Variants in HOXD13 observed in about 807,000 individuals in gnomAD.
The protein encoded by HOXD13 is homeobox protein Hox-D13.
In HOXD13, 16 loss-of-function variants were observed where a neutral mutation model predicts 27.3. The ratio of observed to expected loss-of-function variants is 0.59; its 90% CI spans 0.40 to 0.89. The LOEUF is 0.89. Among genes scored for constraint, HOXD13 ranks in the 40% least tolerant of loss-of-function variants. The probability of loss-of-function intolerance (pLI) is 0.00; values close to 1 mark genes in which losing one functional copy is unlikely to be tolerated. For synonymous variants in HOXD13, 241 were observed against 219.0 expected (o/e 1.10, Z -0.89); for missense variants, 481 against 482.6 (o/e 1.00, Z 0.03).
At position 176,095,172 on chromosome 2, in the gene HOXD13, C is replaced by T. The variant is rs1574944124; in HGVS notation, c.*442C>T. On this transcript the variant is annotated 3_prime_UTR_variant, in exon 2 of 2. Transcript: ENST00000392539. ...CAGAATGGTTTTCAGTCGTTCATATCCTGTAATTAGGTAATTGAATCATTA... is the reference window on the plus strand; with the variant it reads ...CAGAATGGTTTTCAGTCGTTCATATTCTGTAATTAGGTAATTGAATCATTA... 1 of 262,674 alleles carries T rather than the reference C, an allele frequency of 3.8e-6. No individual in the cohort carries two copies. Among genetic ancestry groups the T allele is most frequent in the Non-Finnish European group, 7.4e-6 (1 of 135,904 alleles). The allele number at this position is 262,674 out of a possible 1,614,324, so 16.3% of individuals were successfully genotyped here. A position where few individuals can be genotyped will look rare whatever the true frequency, so the allele number is the denominator to read the frequency against.
upstream of HOXD13, among the ~76,000 whole-genome samples, chr2:176,089,221 T>C (rs1001502598): frequency 6.6e-6 from 1 of 152,210 alleles, no homozygotes; most frequent in Admixed American, 6.5e-5. Flanking sequence ...GTTGTTGTTG[T>C]TGTTTCTTTT....
intron 1 of HOXD13, 66 bp downstream of exon 1, chr2:176,093,737 T>G: frequency 9.2e-7 from 1 of 1,081,662 alleles, no homozygotes; most frequent in South Asian, 1.5e-5. Flanking sequence ...AAGAAAGGAC[T>G]AAGAGTATGC....
At position 176,095,050 on chromosome 2, in the gene HOXD13, A is replaced by G. The variant is rs542428021; in HGVS notation, c.*320A>G. On this transcript the variant is annotated 3_prime_UTR_variant, in exon 2 of 2. Transcript: ENST00000392539. ...GTATTTTTTAATAATCCGCCCCCCAATGAACTTCAGAAGTGCCATTCTGAT... is the reference window on the plus strand; with the variant it reads ...GTATTTTTTAATAATCCGCCCCCCAGTGAACTTCAGAAGTGCCATTCTGAT... 3.8e-4 allele frequency: 145 copies of G among 377,828 alleles called. No individual in the cohort carries two copies. The highest frequency in any genetic ancestry group is 2.8e-3 in the African/African-American group (137 of 49,204). The allele number at this position is 377,828 out of a possible 1,614,324, so 23.4% of individuals were successfully genotyped here.
Position 176,092,766 on chromosome 2 carries a change from G to A in HOXD13, c.-125G>A, listed in dbSNP as rs1574942652. ...GAGGCGGGAGGCTCACAGAGGGAGAGAGGGCTAGAGGAAGAGGGCGGGAGC... is the reference window on the plus strand; with the variant it reads ...GAGGCGGGAGGCTCACAGAGGGAGAAAGGGCTAGAGGAAGAGGGCGGGAGC... On this transcript the variant is annotated 5_prime_UTR_variant, in exon 1 of 2. Transcript: ENST00000392539. 1.8e-6 allele frequency: 1 copy of A among 546,928 alleles called. No individual in the cohort carries two copies. The highest frequency in any genetic ancestry group is 2.7e-6 in the Non-Finnish European group (1 of 371,352). The allele number at this position is 546,928 out of a possible 1,614,324, so 33.9% of individuals were successfully genotyped here.
At chr2:176,091,917 C>A (rs1054441330), upstream of HOXD13, among the ~76,000 whole-genome samples, 1 of 152,092 alleles carries the variant, frequency 6.6e-6, no homozygotes, top group East Asian at 1.9e-4. Context: ...GAAGGACCCG[C>A]GGGAGCTGAG....
In HOXD13 at chr2:176,094,605, A is replaced by T. The variant is rs755071995; in HGVS notation, c.907A>T (p.Lys303Ter). ...GTATGCCATTAACAAATTCATTAAC[A>T]AGGACAAGCGGCGGCGTATCTCGGC... ...NEYAINKFIN[K>*]DKRRRISAAT... The change falls in exon 2 of 2, where the codon AAG becomes TAG. Residue 303 changes from lysine (K) to a stop codon, truncating the protein, a stop_gained. Coordinates refer to ENST00000392539, the MANE Select transcript of HOXD13 (RefSeq NM_000523.4). LOFTEE classifies it high-confidence loss of function. The T allele has an allele frequency of 6.2e-7, 1 of 1,614,150 alleles. No homozygotes were observed. Among genetic ancestry groups the T allele is most frequent in the South Asian group, 1.1e-5 (1 of 91,080 alleles).
Position 176,093,172 on chromosome 2 carries a change from T to C in HOXD13, c.282T>C (p.Val94=), listed in dbSNP as rs761366377. ...CCTCGTCGTCGTCCTCTTCTGCCGT[T>C]GTAGCGGCGCGCCCGGAGGCTCCCC... is the stretch of plus-strand genomic sequence containing the variant. ...GSSSSSSSSA[V]VAARPEAPPA... The change falls in exon 1 of 2, where the codon GTT becomes GTC. Residue 94 remains valine, a synonymous_variant. Coordinates refer to ENST00000392539, the MANE Select transcript of HOXD13 (RefSeq NM_000523.4). 53 of 1,608,158 alleles carry C rather than the reference T, an allele frequency of 3.3e-5. No homozygotes were observed. The highest frequency in any genetic ancestry group is 4.2e-5 in the Non-Finnish European group (50 of 1,179,466).
rs1200681373 is a variant in HOXD13, at chr2:176,093,121, C to T, written c.231C>T (p.Pro77=). 1.9e-6 allele frequency: 3 copies of T among 1,601,590 alleles called. No homozygotes were observed. Among genetic ancestry groups the T allele is most frequent in the South Asian group, 1.1e-5 (1 of 90,826 alleles). The change falls in exon 1 of 2, where the codon CCC becomes CCT. Residue 77 remains proline (P), a synonymous_variant. Coordinates refer to ENST00000392539, the MANE Select transcript of HOXD13 (RefSeq NM_000523.4). ...AAAAASGFAY[P]GTSERTGSSS... Reference sequence around the variant, plus strand: ...CGGCAGCCTCCGGCTTTGCGTACCCCGGGACCTCTGAGCGCACGGGCTCTT... The same window carrying T: ...CGGCAGCCTCCGGCTTTGCGTACCCTGGGACCTCTGAGCGCACGGGCTCTT...
chr2:176,091,385 GA>G (rs1689316639), upstream of HOXD13, among the ~76,000 whole-genome samples: 1 of 152,182 alleles, frequency 6.6e-6, no homozygotes, highest in Non-Finnish European at 1.5e-5. Flanking sequence ...GGGCTCATTG[GA>G]TCTAATATTG....
rs372534114 is a variant in HOXD13, at chr2:176,093,244, G to A, written c.354G>A (p.Ala118=). ...PAPTPAAAAA[A]PPSAPALGYG... ...CCACGCCTGCAGCGGCCGCTGCAGC[G>A]CCCCCGAGCGCTCCAGCGCTGGGCT... is the stretch of plus-strand genomic sequence containing the variant. Residue 118 remains alanine, a synonymous_variant, in exon 1 of 2, where the codon GCG becomes GCA. Transcript: ENST00000392539. 5 of 1,609,612 alleles carry A rather than the reference G, an allele frequency of 3.1e-6. No homozygotes were observed. In the South Asian group the frequency reaches 4.4e-5, roughly 14 times the overall value.
upstream of HOXD13, among the ~76,000 whole-genome samples, chr2:176,091,947 T>C (rs553290983): frequency 1.8e-4 from 27 of 152,140 alleles, 1 homozygote; most frequent in South Asian, 1.5e-3. Flanking sequence ...TCGGAAGCAC[T>C]CCCGGCTGGC....
Position 176,092,765 on chromosome 2 carries a change from A to T in HOXD13, c.-126A>T. 1 of 529,654 alleles carries T rather than the reference A, an allele frequency of 1.9e-6. No individual in the cohort carries two copies. Among genetic ancestry groups the T allele is most frequent in the Non-Finnish European group, 2.8e-6 (1 of 356,004 alleles). The allele number at this position is 529,654 out of a possible 1,614,324, so 32.8% of individuals were successfully genotyped here. On this transcript the variant is annotated 5_prime_UTR_variant, in exon 1 of 2. Coordinates refer to ENST00000392539, the MANE Select transcript of HOXD13 (RefSeq NM_000523.4). ...GGAGGCGGGAGGCTCACAGAGGGAG[A>T]GAGGGCTAGAGGAAGAGGGCGGGAG...
At chr2:176,090,336 G>C (rs1459224835), upstream of HOXD13, among the ~76,000 whole-genome samples, 2 of 152,226 alleles carry the variant, frequency 1.3e-5, no homozygotes, top group Non-Finnish European at 1.5e-5. Flanking sequence ...GAAAACTTTT[G>C]CCCTGCTCTG....
At chr2:176,092,545 AGCCAG>A (rs1444151480), upstream of HOXD13, among the ~76,000 whole-genome samples, 23 of 151,958 alleles carry the variant, frequency 1.5e-4, no homozygotes, top group Admixed American at 9.2e-4. Flanking sequence ...GGGTGGGTCC[AGCCAG>A]GCCTGGGCCG....
rs1356700815 is a variant in HOXD13, at chr2:176,093,041, G to C, written c.151G>C (p.Gly51Arg). The C allele has an allele frequency of 2.6e-5, 36 of 1,383,176 alleles. No individual in the cohort carries two copies. Among genetic ancestry groups the C allele is most frequent in the Non-Finnish European group, 3.3e-5 (36 of 1,078,176 alleles). The allele number at this position is 1,383,176 out of a possible 1,614,324, so 85.7% of individuals were successfully genotyped here. A position where few individuals can be genotyped will look rare whatever the true frequency, so the allele number is the denominator to read the frequency against. The change falls in exon 1 of 2, where the codon GGG becomes CGG. Residue 51 changes from glycine (G) to arginine (R), a missense_variant. By Grantham distance (125) the Gly-to-Arg change is moderately radical. Transcript: ENST00000392539. ...RGFLSAPVFA[G>R]THSGRAAAAA... The stretch of plus-strand genomic sequence containing the variant: ...CTTTCTCTCCGCGCCTGTGTTCGCC[G>C]GGACGCATTCGGGGCGGGCGGCGGC...
In HOXD13 at chr2:176,092,785, C is replaced by A; in HGVS notation, c.-106C>A. The A allele has an allele frequency of 1.4e-6, 1 of 711,302 alleles. No homozygotes were observed. Among genetic ancestry groups the A allele is most frequent in the Non-Finnish European group, 1.9e-6 (1 of 521,372 alleles). The allele number at this position is 711,302 out of a possible 1,614,324, so 44.1% of individuals were successfully genotyped here. A position where few individuals can be genotyped will look rare whatever the true frequency, so the allele number is the denominator to read the frequency against. ...GGGAGAGAGGGCTAGAGGAAGAGGG[C>A]GGGAGCGAGCGAACCAGAGAGAAAG... On this transcript the variant is annotated 5_prime_UTR_variant, in exon 1 of 2. Coordinates refer to ENST00000392539, the MANE Select transcript of HOXD13 (RefSeq NM_000523.4).
chr2:176,094,442 T>A, intron 1 of HOXD13, 38 bp from the exon 2 acceptor site: 1 of 1,611,426 alleles, frequency 6.2e-7, no homozygotes, highest in South Asian at 1.1e-5. Flanking sequence ...GCTCCGAATA[T>A]CCCAGCCTAA....
upstream of HOXD13, among the ~76,000 whole-genome samples, chr2:176,091,947 T>G (rs553290983): frequency 6.6e-6 from 1 of 152,022 alleles, no homozygotes; most frequent in Admixed American, 6.5e-5. Flanking sequence ...TCGGAAGCAC[T>G]CCCGGCTGGC....
chr2:176,091,181 A>G (rs1049230757), upstream of HOXD13, among the ~76,000 whole-genome samples: 5 of 152,192 alleles, frequency 3.3e-5, no homozygotes, highest in Non-Finnish European at 7.3e-5. Context: ...AGGCCAGGCC[A>G]AGGAGGGCCT....
Sources: gnomAD v4.1 joint callset for allele counts (sites outside exome capture counted in the v4.1 genomes callset) on GRCh38, gnomAD v4.1.1 for gene constraint, MANE v1.5 for transcripts, NCBI Gene and HGNC (gene_info 2026-07-23, HGNC 2026-07-21) for gene names.